The following BAG6 variants were observed in gnomAD, a reference collection of about 807,000 sequenced individuals.
The protein encoded by BAG6 is large proline-rich protein BAG6.
BAG6 carries 22 observed loss-of-function variants against 121.0 expected under a neutral mutation model. The ratio of observed to expected loss-of-function variants is 0.18; its 90% confidence interval spans 0.13 to 0.26. The LOEUF (loss-of-function observed/expected upper bound fraction) is 0.26, where lower values mean the gene tolerates loss of function less well. BAG6 is among the 10% of genes least tolerant of loss of function. BAG6 has a pLI of 1.00. For synonymous variants in BAG6, 583 were observed against 584.6 expected (o/e 1.00, Z 0.04); for missense variants, 1,233 against 1,537.7 (o/e 0.80, Z 3.31).
At position 31,645,149 on chromosome 6, in the gene BAG6, G is replaced by C; in HGVS notation, c.1166C>G (p.Pro389Arg). 6.2e-7 allele frequency: 1 copy of C among 1,612,890 alleles called. No homozygotes were observed. The highest frequency in any genetic ancestry group is 8.5e-7 in the Non-Finnish European group (1 of 1,179,932). The change falls in exon 10 of 26, where the codon CCC becomes CGC. Residue 389 changes from proline (P) to arginine (R), a missense_variant. Pro to Arg is a moderately radical substitution (Grantham distance 103). Coordinates refer to ENST00000676615, the MANE Select transcript of BAG6 (RefSeq NM_001387994.1). ...AGGTGCCTCTGCATTGGGAGTTGGG[G>C]GGGGCCGAGTCCCATTTCCTGTCAT... ...VTMTGNGTRP[P>R]PTPNAEAPPP...
intron 14 of BAG6, among the ~76,000 whole-genome samples, 169 bp downstream of exon 14, chr6:31,643,721 C>CAAAAAAAAAAAAAAAAAAAA (rs9281540): frequency 3.0e-5 from 2 of 66,290 alleles, no homozygotes; most frequent in Non-Finnish European, 5.0e-5. Flanking sequence ...GACTCCATCT[C>CAAAAAAAAAAAAAAAAAAAA]AAAAAAAAAA....
chr6:31,651,613 G>A, intron 2 of BAG6, 43 bp downstream of exon 2: 2 of 1,560,540 alleles, frequency 1.3e-6, no homozygotes, highest in Non-Finnish European at 1.8e-6. Context: ...GCCTAAACGA[G>A]GAAAAGCTAA....
intron 2 of BAG6, among the ~76,000 whole-genome samples, chr6:31,651,305 G>A (rs1229209891): frequency 3.3e-5 from 5 of 152,316 alleles, no homozygotes; most frequent in South Asian, 2.1e-4. Context: ...TTGGGAGGCC[G>A]AGGAGGGCAC....
chr6:31,646,859 C>T (rs892531246), intron 7 of BAG6, among the ~76,000 whole-genome samples: 4 of 149,208 alleles, frequency 2.7e-5, no homozygotes, highest in Non-Finnish European at 5.9e-5. Flanking sequence ...CTGCAAGCTC[C>T]GTCTCCTGGG....
chr6:31,645,809 A>C (rs1788497608), intron 8 of BAG6, among the ~76,000 whole-genome samples: 1 of 152,240 alleles, frequency 6.6e-6, no homozygotes, highest in Admixed American at 6.5e-5. Context: ...ACTACTATGA[A>C]TCAGTAAGTC....
chr6:31,646,637 A>C, intron 7 of BAG6, 114 bp from the exon 8 acceptor site: 1 of 1,365,524 alleles, frequency 7.3e-7, no homozygotes, highest in Non-Finnish European at 9.8e-7. Flanking sequence ...GCCCTGGCCC[A>C]ATCCTTCTCT....
At chr6:31,645,723 C>T in intron 8 of BAG6, 119 bp from the exon 9 acceptor site, 2 of 1,267,256 alleles carry the variant, frequency 1.6e-6, no homozygotes, top group South Asian at 1.3e-5. Context: ...CAGTTATATC[C>T]TTGGAAGTTT....
chr6:31,640,172 A>G lies in BAG6; in HGVS notation c.3246+27T>C. On this transcript the variant is annotated intron_variant, in intron 24 of 25. Transcript: ENST00000676615. This position sits in a 1 kb window ranked among gnomAD's most constrained non-coding sequence, Gnocchi z 4.2. Reference sequence around the variant, plus strand: ...ATGACGGGGAAACCTGGATAGAGAGAGAGGCTTAGGGAAGAGGAAAACCAA... The same window carrying G: ...ATGACGGGGAAACCTGGATAGAGAGGGAGGCTTAGGGAAGAGGAAAACCAA... The G allele has an allele frequency of 6.2e-7, 1 of 1,604,608 alleles. No individual in the cohort carries two copies. Among genetic ancestry groups the G allele is most frequent in the South Asian group, 1.1e-5 (1 of 90,834 alleles).
At chr6:31,639,759 G>C in intron 24 of BAG6, 113 bp from the exon 25 acceptor site, 1 of 1,286,368 alleles carries the variant, frequency 7.8e-7, no homozygotes, top group African/African-American at 1.5e-5. Flanking sequence ...TGCTAGTGGA[G>C]AGAGGGGAAA....
At chr6:31,646,903 A>G (rs1008186497) in intron 7 of BAG6, among the ~76,000 whole-genome samples, 3 of 149,744 alleles carry the variant, frequency 2.0e-5, no homozygotes, top group Non-Finnish European at 4.4e-5. Flanking sequence ...CCTCCCGAGT[A>G]GCTGGGACTA....
Position 31,641,006 on chromosome 6 carries a change from G to T in BAG6, c.2788-68C>A. On this transcript the variant is annotated intron_variant, in intron 20 of 25. Coordinates refer to ENST00000676615, the MANE Select transcript of BAG6 (RefSeq NM_001387994.1). This position sits in a 1 kb window ranked among gnomAD's most constrained non-coding sequence, Gnocchi z 5.7. ...ACCTTTAGAAATAGATTAGATCCAG[G>T]TTACAGAATGTCAGTTTAGAAAAGA... is the stretch of plus-strand genomic sequence containing the variant. 1.3e-6 allele frequency: 2 copies of T among 1,599,644 alleles called. No individual in the cohort carries two copies. Among genetic ancestry groups the T allele is most frequent in the Non-Finnish European group, 1.7e-6 (2 of 1,172,800 alleles).
Position 31,644,116 on chromosome 6 carries a change from G to A in BAG6, c.1634C>T (p.Ser545Phe), listed in dbSNP as rs763689929. ...ARPTPPQARP[S>F]HPGGPPVSGT... ...AGAGACTGGGGGCCCTCCAGGATGG[G>A]AAGGCCGAGCCTGTGGAGGAGTGGG... Residue 545 changes from serine to phenylalanine, a missense_variant, in exon 13 of 26, where the codon TCC (serine) becomes TTC (phenylalanine). Ser to Phe is a radical substitution (Grantham distance 155, BLOSUM62 -2). Around this residue, in one of 7 missense-constraint regions of BAG6, gnomAD observed 777 missense variants for 861.4 expected, o/e 0.90. Transcript: ENST00000676615. This position sits in a 1 kb window ranked among gnomAD's most constrained non-coding sequence, Gnocchi z 4.9. The A allele has an allele frequency of 1.2e-6, 2 of 1,613,972 alleles. No homozygotes were observed. The highest frequency in any genetic ancestry group is 1.7e-6 in the Non-Finnish European group (2 of 1,179,944).
In BAG6 at chr6:31,640,924, A is replaced by G; in HGVS notation, c.2802T>C (p.Arg934=). The G allele has an allele frequency of 6.2e-7, 1 of 1,612,776 alleles. No homozygotes were observed. ...AGCTCACCAAGGAGGGATTCACCCCACGAGACATACGACGCTGAGGGACAG... is the reference window on the plus strand; with the variant it reads ...AGCTCACCAAGGAGGGATTCACCCCGCGAGACATACGACGCTGAGGGACAG... ...VINGRIRRMS[R]GVNPSLVSWL... The change falls in exon 21 of 26, where the codon CGT becomes CGC. Residue 934 remains arginine (R), a synonymous_variant. Coordinates refer to ENST00000676615, the MANE Select transcript of BAG6 (RefSeq NM_001387994.1). The surrounding 1 kb of genome is among the most constrained non-coding windows in gnomAD (Gnocchi z 4.2).
Position 31,641,449 on chromosome 6 carries a change from C to T in BAG6, c.2560-27G>A, listed in dbSNP as rs781761720. 6.2e-7 allele frequency: 1 copy of T among 1,613,782 alleles called. No homozygotes were observed. Among genetic ancestry groups the T allele is most frequent in the South Asian group, 1.1e-5 (1 of 91,084 alleles). On this transcript the variant is annotated intron_variant, in intron 18 of 25. Transcript: ENST00000676615. This position sits in a 1 kb window ranked among gnomAD's most constrained non-coding sequence, Gnocchi z 5.7. ...TGAGAGACAAGATAACACAAAGATC[C>T]CAAAATCAAGAATCATAAGACTGGG... is the stretch of plus-strand genomic sequence containing the variant.
chr6:31,639,754 G>A, intron 24 of BAG6, 108 bp from the exon 25 acceptor site: 1 of 1,279,790 alleles, frequency 7.8e-7, no homozygotes, highest in Non-Finnish European at 1.1e-6. Context: ...CTCCATGCTA[G>A]TGGAGAGAGG....
In BAG6 at chr6:31,640,923, C is replaced by G. The variant is rs1272597145; in HGVS notation, c.2803G>C (p.Gly935Arg). 6.2e-7 allele frequency: 1 copy of G among 1,612,758 alleles called. No individual in the cohort carries two copies. Among genetic ancestry groups the G allele is most frequent in the Admixed American group, 1.7e-5 (1 of 60,010 alleles). ...CAGCTCACCAAGGAGGGATTCACCCCACGAGACATACGACGCTGAGGGACA... is the reference window on the plus strand; with the variant it reads ...CAGCTCACCAAGGAGGGATTCACCCGACGAGACATACGACGCTGAGGGACA... ...INGRIRRMSR[G>R]VNPSLVSWLT... Residue 935 changes from glycine to arginine, a missense_variant, in exon 21 of 26, where the codon GGG becomes CGG. Physicochemically the swap from Gly to Arg is moderately radical, Grantham distance 125. Coordinates refer to ENST00000676615, the MANE Select transcript of BAG6 (RefSeq NM_001387994.1). The surrounding 1 kb of genome is among the most constrained non-coding windows in gnomAD (Gnocchi z 4.2).
chr6:31,644,829 C>T lies in BAG6; in HGVS notation c.1369+117G>A, dbSNP rs2150835346. Reference sequence around the variant, plus strand: ...TGTCTACTTAAGCTTCTGCTCTGGTCCCCAGGCTACCACCACCAGCATGTG... The same window carrying T: ...TGTCTACTTAAGCTTCTGCTCTGGTTCCCAGGCTACCACCACCAGCATGTG... On this transcript the variant is annotated intron_variant, in intron 10 of 25. Transcript: ENST00000676615. The surrounding 1 kb of genome is among the most constrained non-coding windows in gnomAD (Gnocchi z 4.9). 6.7e-7 allele frequency: 1 copy of T among 1,483,920 alleles called. No homozygotes were observed. The highest frequency in any genetic ancestry group is 9.1e-7 in the Non-Finnish European group (1 of 1,101,628). 91.9% of individuals were successfully genotyped at this position (1,483,920 alleles called of 1,614,324 possible).
At chr6:31,643,136 A>G in intron 14 of BAG6, 21 bp from the exon 15 acceptor site, 2 of 1,538,942 alleles carry the variant, frequency 1.3e-6, no homozygotes, top group South Asian at 2.4e-5. Flanking sequence ...CCAAAAAAAG[A>G]AAGCTGGGCT....
In BAG6 at chr6:31,651,686, A is replaced by C; in HGVS notation, c.78T>G (p.Ser26=). Residue 26 remains serine (S), a synonymous_variant, in exon 2 of 26, where the codon TCT becomes TCG. Transcript: ENST00000676615. Reference sequence around the variant, plus strand: ...CCCCCACAATAAAGGTACGAGTTTGAGAGTCCAAGGTCTTCACCAACACCT... The same window carrying C: ...CCCCCACAATAAAGGTACGAGTTTGCGAGTCCAAGGTCTTCACCAACACCT... ...SLEVLVKTLD[S]QTRTFIVGAQ... 1 of 1,613,110 alleles carries C rather than the reference A, an allele frequency of 6.2e-7. No individual in the cohort carries two copies. Among genetic ancestry groups the C allele is most frequent in the Non-Finnish European group, 8.5e-7 (1 of 1,180,036 alleles).
Sources: allele counts gnomAD v4.1 joint callset (sites outside exome capture counted in the v4.1 genomes callset), GRCh38; gene constraint gnomAD v4.1.1; regional missense constraint gnomAD v4.1.1; non-coding constraint Gnocchi (gnomAD v3.1); transcripts MANE v1.5; gene names NCBI Gene and HGNC (gene_info 2026-07-23, HGNC 2026-07-21).